The following SH3RF2 variants were observed in gnomAD, a reference collection of about 807,000 sequenced individuals.
The protein encoded by SH3RF2 is E3 ubiquitin-protein ligase SH3RF2.
A neutral mutation model predicts 59.0 loss-of-function variants in SH3RF2; 43 were observed. That is an observed-to-expected ratio of 0.73 (90% CI 0.57 to 0.94). The LOEUF (loss-of-function observed/expected upper bound fraction) is 0.94. Ranked by LOEUF, SH3RF2 falls within the 40% of genes least tolerant of loss-of-function variation. The pLI is 0.00. For missense variants in SH3RF2, 930 were observed against 940.1 expected (o/e 0.99, Z 0.14); for synonymous variants, 391 against 391.5 (o/e 1.00, Z 0.01).
At chr5:146,002,971 G>C (rs933044102) in intron 3 of SH3RF2, among the ~76,000 whole-genome samples, 1 of 152,142 alleles carries the variant, frequency 6.6e-6, no homozygotes, top group African/African-American at 2.4e-5. Flanking sequence ...AAAAGGTTGG[G>C]TACCGCTGTG....
At chr5:146,067,510 C>G (rs1763134678), downstream of SH3RF2, among the ~76,000 whole-genome samples, 1 of 152,186 alleles carries the variant, frequency 6.6e-6, no homozygotes, top group South Asian at 2.1e-4. Flanking sequence ...ACACTCAGGA[C>G]TTAGGAGTGT....
intron 4 of SH3RF2, among the ~76,000 whole-genome samples, chr5:146,011,564 G>A (rs143275136): frequency 0.011 from 1,713 of 152,204 alleles, 33 homozygotes; most frequent in African/African-American, 0.039. Context: ...GTTGAGCAGC[G>A]GTTTGTAGTT....
chr5:145,993,574 C>G (rs564492645), intron 2 of SH3RF2, among the ~76,000 whole-genome samples: 32 of 152,362 alleles, frequency 2.1e-4, no homozygotes, highest in African/African-American at 7.2e-4. Context: ...GCAGGCTCAA[C>G]ACCAAGTGGA....
chr5:145,983,104 G>A (rs1004911682), intron 2 of SH3RF2, among the ~76,000 whole-genome samples: 5 of 152,204 alleles, frequency 3.3e-5, no homozygotes, highest in African/African-American at 1.2e-4. Flanking sequence ...GAGCTATGTA[G>A]TGGTGTTTTG....
intron 5 of SH3RF2, among the ~76,000 whole-genome samples, chr5:146,035,738 T>G (rs1173559861): frequency 6.6e-6 from 1 of 152,226 alleles, no homozygotes; most frequent in Non-Finnish European, 1.5e-5. Context: ...ACGTAGGTCC[T>G]TCAGTCCATA....
At chr5:146,007,150 T>C (rs1211000054) in intron 4 of SH3RF2, among the ~76,000 whole-genome samples, 1 of 152,084 alleles carries the variant, frequency 6.6e-6, no homozygotes, top group African/African-American at 2.4e-5. Flanking sequence ...CAGAAGCCAT[T>C]GAAAGGTTTT....
chr5:146,055,030 G>C (rs1209821258), intron 7 of SH3RF2, among the ~76,000 whole-genome samples: 1 of 152,268 alleles, frequency 6.6e-6, no homozygotes, highest in Non-Finnish European at 1.5e-5. Flanking sequence ...AGTTCAGGGA[G>C]CTGCAGTCTG....
At chr5:146,007,603 G>T (rs935653126) in intron 4 of SH3RF2, among the ~76,000 whole-genome samples, 12 of 152,162 alleles carry the variant, frequency 7.9e-5, no homozygotes, top group Middle Eastern at 3.4e-3. Flanking sequence ...AGTCTGGGCT[G>T]GGGGGGAAGG....
chr5:145,983,835 G>T, intron 2 of SH3RF2, among the ~76,000 whole-genome samples: 1 of 152,108 alleles, frequency 6.6e-6, no homozygotes, highest in East Asian at 1.9e-4. Context: ...GAAAAACTGG[G>T]ATGTAGATAT....
intron 5 of SH3RF2, among the ~76,000 whole-genome samples, chr5:146,016,531 C>T (rs977651583): frequency 6.6e-6 from 1 of 152,142 alleles, no homozygotes; most frequent in Non-Finnish European, 1.5e-5. Context: ...GTAATAAGAA[C>T]CTTTGTAGGG....
intron 2 of SH3RF2, among the ~76,000 whole-genome samples, chr5:145,948,077 G>A (rs1179987681): frequency 6.6e-6 from 1 of 152,154 alleles, no homozygotes; most frequent in Non-Finnish European, 1.5e-5. Context: ...CAGAGTACAT[G>A]TATGGAGGAC....
chr5:146,033,451 C>CCTTTTTT (rs1561753484), intron 5 of SH3RF2, among the ~76,000 whole-genome samples: 1 of 71,856 alleles, frequency 1.4e-5, no homozygotes, highest in African/African-American at 9.6e-5. Context: ...TAGCCCTTAG[C>CCTTTTTT]TTTTTTTTTT....
chr5:145,991,292 T>C (rs1462740277), intron 2 of SH3RF2, among the ~76,000 whole-genome samples: 1 of 152,192 alleles, frequency 6.6e-6, no homozygotes, highest in Non-Finnish European at 1.5e-5. Context: ...TAAAATAGGA[T>C]AATACTATCT....
intron 2 of SH3RF2, among the ~76,000 whole-genome samples, chr5:145,989,572 G>T (rs1162633764): frequency 6.6e-6 from 1 of 152,162 alleles, no homozygotes; most frequent in Non-Finnish European, 1.5e-5. Context: ...TGAGTCAAAG[G>T]CCAGGATGGT....
chr5:146,013,593 T>C (rs2149992971), intron 4 of SH3RF2, among the ~76,000 whole-genome samples, 154 bp from the exon 5 acceptor site: 1 of 152,234 alleles, frequency 6.6e-6, no homozygotes, highest in Admixed American at 6.5e-5. Context: ...CGATAAAAGA[T>C]GGAAGCTGTT....
chr5:146,063,934 T>C (rs925738499), downstream of SH3RF2, among the ~76,000 whole-genome samples: 1 of 152,208 alleles, frequency 6.6e-6, no homozygotes, highest in Admixed American at 6.5e-5. Flanking sequence ...TTAGGATCTA[T>C]ATTTGGATAT....
intron 8 of SH3RF2, 139 bp downstream of exon 8, chr5:146,056,352 AATG>A: frequency 7.4e-7 from 1 of 1,347,100 alleles, no homozygotes; most frequent in Non-Finnish European, 1.0e-6. Flanking sequence ...ACAATTCCCA[AATG>A]ATGAGTTTTA....
chr5:146,057,913 G>A (rs924188146), intron 8 of SH3RF2, among the ~76,000 whole-genome samples: 2 of 149,490 alleles, frequency 1.3e-5, no homozygotes, highest in Non-Finnish European at 2.9e-5. Context: ...CTGTACTCCA[G>A]TCTGGGCTGT....
At chr5:146,045,991 T>C (rs954380411) in intron 5 of SH3RF2, among the ~76,000 whole-genome samples, 6 of 152,204 alleles carry the variant, frequency 3.9e-5, no homozygotes, top group African/African-American at 1.4e-4. Flanking sequence ...CAACACTTAT[T>C]ATTTGACTAA....
Sources: allele counts gnomAD v4.1 joint callset (sites outside exome capture counted in the v4.1 genomes callset), GRCh38; gene constraint gnomAD v4.1.1; transcripts MANE v1.5; gene names NCBI Gene and HGNC (gene_info 2026-07-23, HGNC 2026-07-21).